The following LRP1B variants were observed in gnomAD, a reference collection of about 807,000 sequenced individuals.
LRP1B encodes the protein LDL receptor related protein 1B.
A neutral mutation model predicts 556.6 loss-of-function variants in LRP1B; 217 were observed. The ratio of observed to expected loss-of-function variants is 0.39; its 90% CI spans 0.35 to 0.44. LRP1B has a LOEUF of 0.44. Among genes scored for constraint, LRP1B ranks in the 20% least tolerant of loss-of-function variants. LRP1B has a pLI of 1.00. For synonymous variants in LRP1B, 2,047 were observed against 1,865.8 expected (o/e 1.10, Z -2.50); for missense variants, 5,053 against 5,620.8 (o/e 0.90, Z 3.23).
At chr2:140,307,223 A>G (rs993677552) in intron 83 of LRP1B, among the ~76,000 whole-genome samples, 4 of 152,024 alleles carry the variant, frequency 2.6e-5, no homozygotes, top group Non-Finnish European at 5.9e-5. Context: ...TTTAGAAAAC[A>G]TAGATTTCCT....
At chr2:141,568,501 T>G (rs1278740658) in intron 2 of LRP1B, among the ~76,000 whole-genome samples, 2 of 150,982 alleles carry the variant, frequency 1.3e-5, no homozygotes, top group Non-Finnish European at 3.0e-5. Flanking sequence ...AAGACTCTGA[T>G]AGTATATCCA....
At chr2:141,408,509 A>T (rs773916258) in intron 3 of LRP1B, among the ~76,000 whole-genome samples, 7 of 152,148 alleles carry the variant, frequency 4.6e-5, no homozygotes, top group Non-Finnish European at 8.8e-5. Context: ...CTTGAGAAGT[A>T]GTCAGAAACT....
At chr2:141,111,384 A>G (rs1456564548) in intron 7 of LRP1B, among the ~76,000 whole-genome samples, 1 of 152,110 alleles carries the variant, frequency 6.6e-6, no homozygotes, top group Non-Finnish European at 1.5e-5. Flanking sequence ...CATATTTGCA[A>G]ATTTGTTTAC....
At chr2:141,454,874 T>A (rs1357472809) in intron 3 of LRP1B, among the ~76,000 whole-genome samples, 1 of 152,248 alleles carries the variant, frequency 6.6e-6, no homozygotes, top group African/African-American at 2.4e-5. Flanking sequence ...TTATCATTAC[T>A]GAGGAATACT....
chr2:140,885,612 A>G (rs1440365176), intron 24 of LRP1B, among the ~76,000 whole-genome samples: 1 of 151,992 alleles, frequency 6.6e-6, no homozygotes, highest in Non-Finnish European at 1.5e-5. Flanking sequence ...CGGCCTCCCA[A>G]TGTGCTGGGA....
At chr2:141,430,540 T>A (rs1680524741) in intron 3 of LRP1B, among the ~76,000 whole-genome samples, 1 of 152,174 alleles carries the variant, frequency 6.6e-6, no homozygotes, top group Admixed American at 6.5e-5. Context: ...ACATGTGCAG[T>A]ATAAATTGGA....
intron 1 of LRP1B, among the ~76,000 whole-genome samples, chr2:142,123,003 G>A (rs1260359490): frequency 6.6e-6 from 1 of 151,982 alleles, no homozygotes; most frequent in Admixed American, 6.6e-5. Context: ...GAGCAGTAGT[G>A]GACAGAAGCT....
intron 49 of LRP1B, among the ~76,000 whole-genome samples, chr2:140,523,499 C>T (rs1001752895): frequency 5.9e-5 from 9 of 151,832 alleles, no homozygotes; most frequent in Admixed American, 5.9e-4. Context: ...TCACTCTCAC[C>T]ACTCCTTTTC....
chr2:140,831,724 G>C (rs1237627672), intron 31 of LRP1B, among the ~76,000 whole-genome samples: 1 of 152,082 alleles, frequency 6.6e-6, no homozygotes, highest in African/African-American at 2.4e-5. Context: ...AATCAACAAA[G>C]AGAAGAACAA....
At chr2:141,930,554 C>T (rs1456788467) in intron 1 of LRP1B, among the ~76,000 whole-genome samples, 2 of 152,038 alleles carry the variant, frequency 1.3e-5, no homozygotes, top group East Asian at 3.9e-4. Flanking sequence ...GTTCAAATAT[C>T]AGTAATTTGA....
chr2:140,858,747 T>A (rs563465849), intron 27 of LRP1B, among the ~76,000 whole-genome samples: 27 of 151,990 alleles, frequency 1.8e-4, no homozygotes, highest in Admixed American at 1.5e-3. Flanking sequence ...TCCCCACCCC[T>A]CGACAGGCCC....
At chr2:141,090,721 T>G (rs80209076) in intron 7 of LRP1B, among the ~76,000 whole-genome samples, 9,378 of 152,252 alleles carry the variant, frequency 0.062, 365 homozygotes, top group South Asian at 0.12. Context: ...AGTTCTTACT[T>G]TACTAAAACA....
intron 2 of LRP1B, among the ~76,000 whole-genome samples, chr2:141,742,484 C>T (rs1306240048): frequency 6.6e-6 from 1 of 151,958 alleles, no homozygotes; most frequent in African/African-American, 2.4e-5. Flanking sequence ...GAACTCCTGA[C>T]CTCAGGTGAT....
chr2:140,547,533 C>A (rs1358427452), intron 43 of LRP1B, among the ~76,000 whole-genome samples: 2 of 151,900 alleles, frequency 1.3e-5, no homozygotes, highest in African/African-American at 4.8e-5. Context: ...TTATTTGGAT[C>A]TTTTCTCACT....
At chr2:141,788,086 C>A (rs1695483430) in intron 2 of LRP1B, among the ~76,000 whole-genome samples, 1 of 151,960 alleles carries the variant, frequency 6.6e-6, no homozygotes, top group Non-Finnish European at 1.5e-5. Flanking sequence ...AGTAAGCTTT[C>A]CTTAGACAAA....
intron 3 of LRP1B, among the ~76,000 whole-genome samples, chr2:141,322,629 A>G (rs1386490442): frequency 6.6e-6 from 1 of 152,056 alleles, no homozygotes; most frequent in East Asian, 1.9e-4. Context: ...CGTATTTTCC[A>G]ATACCCTAAA....
At chr2:141,894,089 C>A (rs1167358701) in intron 1 of LRP1B, among the ~76,000 whole-genome samples, 7 of 152,196 alleles carry the variant, frequency 4.6e-5, no homozygotes, top group African/African-American at 7.2e-5. Flanking sequence ...GTATTGGAAT[C>A]TGAATAACAT....
chr2:140,516,316 C>T (rs190809518), intron 50 of LRP1B, among the ~76,000 whole-genome samples: 10 of 151,814 alleles, frequency 6.6e-5, no homozygotes, highest in Admixed American at 1.3e-4. Flanking sequence ...AAAAACAATA[C>T]AATAAAACAA....
chr2:140,853,145 T>A (rs150263473), intron 27 of LRP1B, among the ~76,000 whole-genome samples: 243 of 152,122 alleles, frequency 1.6e-3, no homozygotes, highest in African/African-American at 5.6e-3. Flanking sequence ...AAACAGGTCA[T>A]GAAAGCTAGA....
Sources: gnomAD v4.1 joint callset for allele counts (sites outside exome capture counted in the v4.1 genomes callset) on GRCh38, gnomAD v4.1.1 for gene constraint, MANE v1.5 for transcripts, NCBI Gene and HGNC (gene_info 2026-07-23, HGNC 2026-07-21) for gene names.